The following SLC52A1 variants were observed in gnomAD, a reference collection of about 807,000 sequenced individuals.
The protein encoded by SLC52A1 is solute carrier family 52 member 1.
A neutral mutation model predicts 23.2 loss-of-function variants in SLC52A1; 20 were observed. That is an observed-to-expected ratio of 0.86 (90% CI 0.61 to 1.25). The LOEUF (loss-of-function observed/expected upper bound fraction) is 1.25, where lower values mean the gene tolerates loss of function less well. Ranked by LOEUF, SLC52A1 falls within the 50% of genes most tolerant of loss-of-function variation. The pLI, the probability that SLC52A1 is intolerant of heterozygous loss-of-function variation, is 0.00. For synonymous variants in SLC52A1, 260 were observed against 256.6 expected, an observed-to-expected ratio of 1.01 and a Z score of -0.13; for missense variants, 528 against 557.0, an observed-to-expected ratio of 0.95 and a Z score of 0.52.
At position 5,035,172 on chromosome 17, in the gene SLC52A1, G is replaced by C. The variant is rs897792175; in HGVS notation, c.-419C>G. 1 of 155,432 alleles carries C rather than the reference G, an allele frequency of 6.4e-6. No individual in the cohort carries two copies. Among genetic ancestry groups the C allele is most frequent in the East Asian group, 1.9e-4 (1 of 5,262 alleles). The allele number at this position is 155,432 out of a possible 1,614,324, so 9.6% of individuals were successfully genotyped here. On this transcript the variant is annotated 5_prime_UTR_variant, in exon 1 of 5. Transcript: ENST00000254853. ...AAAATACAAAAATTAGCTGGTCGTG[G>C]TGGTGGGTGCCAGTAATCCCAGCTA... is the stretch of plus-strand genomic sequence containing the variant.
chr17:5,035,940 G>C (rs1205120538), upstream of SLC52A1, among the ~76,000 whole-genome samples: 1 of 128,548 alleles, frequency 7.8e-6, no homozygotes, highest in Non-Finnish European at 1.6e-5. Flanking sequence ...GGCTGGCTTG[G>C]CACTCCTGGG....
intron 1 of SLC52A1, among the ~76,000 whole-genome samples, chr17:5,040,723 C>T (rs1975532880): frequency 6.6e-6 from 1 of 152,126 alleles, no homozygotes; most frequent in South Asian, 2.1e-4. Flanking sequence ...TCTGTTGTGG[C>T]CACACAGCCC....
Position 5,035,046 on chromosome 17 carries a change from ACCTGTAAT to A in SLC52A1, c.-301_-294del, listed in dbSNP as rs1567735746. On this transcript the variant is annotated 5_prime_UTR_variant, in exon 1 of 5. Transcript: ENST00000254853. ...GCACTGGCCGGGTGCGGTGGCTCAC[ACCTGTAAT>A]CCCAGCACTTTGGGAAGCTGAGGAA... 5.5e-6 allele frequency: 1 copy of A among 180,756 alleles called. No homozygotes were observed. The highest frequency in any genetic ancestry group is 2.3e-5 in the African/African-American group (1 of 42,894). 11.2% of individuals were successfully genotyped at this position (180,756 alleles called of 1,614,324 possible). A position where few individuals can be genotyped will look rare whatever the true frequency, so the allele number is the denominator to read the frequency against.
chr17:5,032,671 C>G lies in SLC52A1; in HGVS notation c.*286G>C. ...TATTTCTTATAAGGTTTTCATTAGG[C>G]TTTTGTTTTTGTTTTTGGTTTTAAA... On this transcript the variant is annotated 3_prime_UTR_variant, in exon 5 of 5. Transcript: ENST00000254853. 1 of 349,014 alleles carries G rather than the reference C, an allele frequency of 2.9e-6. No homozygotes were observed. The highest frequency in any genetic ancestry group is 4.5e-5 in the East Asian group (1 of 22,338). The allele number at this position is 349,014 out of a possible 1,614,324, so 21.6% of individuals were successfully genotyped here.
rs137917213 is a variant in SLC52A1, at chr17:5,033,674, T to A, written c.815A>T (p.His272Leu). The A allele has an allele frequency of 5.5e-5, 88 of 1,614,042 alleles. No homozygotes were observed. The African/African-American group carries it at 1.0e-3, about 19-fold the overall frequency. The change falls in exon 3 of 5, where the codon CAT (histidine) becomes CTT (leucine). Residue 272 changes from histidine to leucine, a missense_variant. By Grantham distance (99) the His-to-Leu change is moderately conservative. Transcript: ENST00000254853. ...GGCACCATGGGCTGAGAACAGCTGA[T>A]GGGCCTCAGGGTCTGGGCCAGGGAT... ...GTIPGPDPEA[H>L]QLFSAHGAFL...
rs773631155 is a variant in SLC52A1, at chr17:5,034,239, C to T, written c.250G>A (p.Val84Ile). Residue 84 changes from valine to isoleucine, a missense_variant, in exon 3 of 5, where the codon GTA becomes ATA. By Grantham distance (29) the Val-to-Ile change is conservative. Coordinates refer to ENST00000254853, the MANE Select transcript of SLC52A1 (RefSeq NM_017986.4). ...GKGEQVPIQVVQVLSVVGTAL... is the reference protein window; with the variant it reads ...GKGEQVPIQVIQVLSVVGTAL... ...GTGCCCACTACACTCAGCACCTGTA[C>T]CACCTGGATGGGGACCTGCTCGCCC... The T allele has an allele frequency of 1.5e-4, 241 of 1,613,494 alleles. 2 individuals carry two copies. The highest frequency in any genetic ancestry group is 8.0e-4 in the South Asian group (73 of 91,078).
upstream of SLC52A1, among the ~76,000 whole-genome samples, chr17:5,040,215 C>G (rs889228878): frequency 2.0e-5 from 3 of 152,030 alleles, no homozygotes; most frequent in African/African-American, 7.3e-5. Flanking sequence ...GCTCTGTCAC[C>G]CAGGCTGGAG....
upstream of SLC52A1, among the ~76,000 whole-genome samples, chr17:5,036,806 GT>G (rs1975470962): frequency 6.6e-6 from 1 of 151,980 alleles, no homozygotes; most frequent in African/African-American, 2.4e-5. Context: ...GCTAAGACAG[GT>G]TTTCACATAT....
Position 5,033,884 on chromosome 17 carries a change from GCAGT to G in SLC52A1, c.601_604del (p.Thr201ProfsTer23). The stretch of plus-strand genomic sequence containing the variant: ...GGCGGCAGCTGAAGTGACCAGAAGG[GCAGT>G]CAGTGCCCAGAAGAAGGTGCTGGCA... On this transcript the variant is annotated frameshift_variant, in exon 3 of 5. Transcript: ENST00000254853. LOFTEE classifies it high-confidence loss of function. The G allele has an allele frequency of 6.2e-7, 1 of 1,614,244 alleles. No homozygotes were observed. Among genetic ancestry groups the G allele is most frequent in the Non-Finnish European group, 8.5e-7 (1 of 1,180,048 alleles).
upstream of SLC52A1, among the ~76,000 whole-genome samples, chr17:5,038,393 TA>T (rs1213511124): frequency 4.0e-5 from 6 of 148,786 alleles, no homozygotes; most frequent in East Asian, 2.0e-4. Context: ...CCCTGTCTCT[TA>T]AAAAAAAAAT....
At chr17:5,039,975 G>A (rs1668561238), upstream of SLC52A1, among the ~76,000 whole-genome samples, 1 of 152,148 alleles carries the variant, frequency 6.6e-6, no homozygotes, top group African/African-American at 2.4e-5. Context: ...CCACATGGAG[G>A]GAGTCAAGGA....
In SLC52A1 at chr17:5,034,938, G is replaced by C; in HGVS notation, c.-185C>G. The C allele has an allele frequency of 3.7e-6, 1 of 269,900 alleles. No individual in the cohort carries two copies. The highest frequency in any genetic ancestry group is 4.3e-5 in the Admixed American group (1 of 23,364). The allele number at this position is 269,900 out of a possible 1,614,324, so 16.7% of individuals were successfully genotyped here. On this transcript the variant is annotated 5_prime_UTR_variant, in exon 1 of 5. Transcript: ENST00000254853. ...CAGACAGGCAGAAAGCTGGCCCGAG[G>C]TGCAGCTGCCCCAGAGGAGCAAAGA... is the stretch of plus-strand genomic sequence containing the variant.
At chr17:5,037,276 T>C (rs1303214676), upstream of SLC52A1, among the ~76,000 whole-genome samples, 3 of 152,104 alleles carry the variant, frequency 2.0e-5, no homozygotes, top group African/African-American at 7.2e-5. Context: ...TCCCAACACT[T>C]TGGGAGGCCG....
At position 5,034,997 on chromosome 17, in the gene SLC52A1, G is replaced by A. The variant is rs989795740; in HGVS notation, c.-244C>T. 3.9e-5 allele frequency: 9 copies of A among 228,114 alleles called. No homozygotes were observed. Among genetic ancestry groups the A allele is most frequent in the Non-Finnish European group, 8.1e-5 (9 of 111,562 alleles). 14.1% of individuals were successfully genotyped at this position (228,114 alleles called of 1,614,324 possible). A position where few individuals can be genotyped will look rare whatever the true frequency, so the allele number is the denominator to read the frequency against. On this transcript the variant is annotated 5_prime_UTR_variant, in exon 1 of 5. Transcript: ENST00000254853. ...ATTTTCCTACCCACAGAGGACCCGG[G>A]GTCCAAGTTGTCAAAACAGCTCAGC...
upstream of SLC52A1, among the ~76,000 whole-genome samples, chr17:5,036,127 G>C (rs1433098126): frequency 6.8e-6 from 1 of 146,572 alleles, no homozygotes; most frequent in Non-Finnish European, 1.5e-5. Context: ...TGCCTCCCGG[G>C]TTCAAGCCAT....
chr17:5,035,566 C>T (rs1431867241), upstream of SLC52A1: 1 of 152,232 alleles, frequency 6.6e-6, no homozygotes, highest in African/African-American at 2.4e-5. Flanking sequence ...GCAGGGGTCC[C>T]CGCACCTCCG....
chr17:5,035,644 C>T (rs1055171933), upstream of SLC52A1, among the ~76,000 whole-genome samples: 4 of 152,290 alleles, frequency 2.6e-5, 2 homozygotes, highest in Non-Finnish European at 5.9e-5. Flanking sequence ...GCCGGGGAGG[C>T]GGCCCAGCCC....
At chr17:5,041,778 A>C (rs1195351281) in intron 1 of SLC52A1, among the ~76,000 whole-genome samples, 3 of 119,422 alleles carry the variant, frequency 2.5e-5, no homozygotes, top group African/African-American at 6.6e-5. Context: ...CACACCCCAA[A>C]ATTTTTTTGT....
At chr17:5,037,000 A>G (rs1975474824), upstream of SLC52A1, among the ~76,000 whole-genome samples, 4 of 152,002 alleles carry the variant, frequency 2.6e-5, no homozygotes, top group African/African-American at 9.6e-5. Flanking sequence ...ACATTTTTAA[A>G]TGGTTGGAAA....
Sources: allele counts gnomAD v4.1 joint callset (sites outside exome capture counted in the v4.1 genomes callset), GRCh38; gene constraint gnomAD v4.1.1; transcripts MANE v1.5; gene names NCBI Gene and HGNC (gene_info 2026-07-23, HGNC 2026-07-21).